Variants in STARD3NL observed in about 807,000 individuals in gnomAD.
STARD3NL encodes the protein STARD3 N-terminal-like protein.
STARD3NL carries 17 observed loss-of-function variants against 30.9 expected under a neutral mutation model. That is an observed-to-expected ratio of 0.55 (90% CI 0.38 to 0.82). STARD3NL has a LOEUF of 0.82. Ranked by LOEUF, STARD3NL falls within the 40% of genes least tolerant of loss-of-function variation. STARD3NL has a pLI of 0.00. For missense variants in STARD3NL, 234 were observed against 277.6 expected, an observed-to-expected ratio of 0.84 and a Z score of 1.12; for synonymous variants, 112 against 100.5, an observed-to-expected ratio of 1.11 and a Z score of -0.69.
chr7:38,223,488 C>T (rs955679747), intron 7 of STARD3NL, among the ~76,000 whole-genome samples: 3 of 152,126 alleles, frequency 2.0e-5, no homozygotes, highest in African/African-American at 7.2e-5. Flanking sequence ...AGGAATTGCT[C>T]AATTGCATAA....
chr7:38,213,286 A>G (rs1247494739), intron 2 of STARD3NL, among the ~76,000 whole-genome samples: 2 of 152,186 alleles, frequency 1.3e-5, no homozygotes, highest in Non-Finnish European at 2.9e-5. Context: ...ATTCATTTGT[A>G]GAGGTCTGTA....
chr7:38,206,114 G>A (rs1785457079), intron 1 of STARD3NL, among the ~76,000 whole-genome samples: 1 of 152,202 alleles, frequency 6.6e-6, no homozygotes, highest in Admixed American at 6.5e-5. Flanking sequence ...AAGAGACGAA[G>A]TTCTGGACAG....
rs1171286816 is a variant in STARD3NL at position 38,210,753 on chromosome 7, G to T, written c.225+3024G>T. 4.6e-5 allele frequency among the ~76,000 whole-genome samples: 7 copies of T among 152,198 alleles called. No individual in the cohort carries two copies. The South Asian group carries it at 1.2e-3, about 27-fold the overall frequency. Reference sequence around the variant, plus strand: ...AAGTAGTGACAGTTGAAAGGAATTTGGTTTTCTTTTTAGCTTTTGATACTT... The same window carrying T: ...AAGTAGTGACAGTTGAAAGGAATTTTGTTTTCTTTTTAGCTTTTGATACTT... On this transcript the variant is annotated intron_variant, in intron 2 of 8. Transcript: ENST00000009041.
At chr7:38,183,758 G>A (rs1184086457) in intron 1 of STARD3NL, among the ~76,000 whole-genome samples, 3 of 152,098 alleles carry the variant, frequency 2.0e-5, no homozygotes, top group Non-Finnish European at 2.9e-5. Flanking sequence ...CTGTCTAGTT[G>A]TATGTGAATT....
chr7:38,193,233 C>T (rs1220993358), intron 1 of STARD3NL, among the ~76,000 whole-genome samples: 1 of 152,090 alleles, frequency 6.6e-6, no homozygotes, highest in Non-Finnish European at 1.5e-5. Flanking sequence ...TGCAGTGAAA[C>T]GTTTTAATGA....
chr7:38,195,867 GA>G (rs925976107), intron 1 of STARD3NL, among the ~76,000 whole-genome samples: 19 of 152,186 alleles, frequency 1.2e-4, no homozygotes, highest in Non-Finnish European at 1.6e-4. Context: ...TAGGTCATTA[GA>G]AATATCTAGA....
intron 1 of STARD3NL, among the ~76,000 whole-genome samples, chr7:38,204,289 C>T (rs1226861018): frequency 1.3e-5 from 2 of 152,322 alleles, no homozygotes; most frequent in South Asian, 2.1e-4. Context: ...AACTGTCTCT[C>T]AGACCACTGT....
Position 38,219,658 on chromosome 7 carries a change from C to T in STARD3NL, c.647C>T (p.Ala216Val). 6.2e-7 allele frequency: 1 copy of T among 1,611,428 alleles called. No individual in the cohort carries two copies. Among genetic ancestry groups the T allele is most frequent in the Non-Finnish European group, 8.5e-7 (1 of 1,178,036 alleles). Residue 216 changes from alanine (A) to valine (V), a missense_variant and splice_region_variant, in exon 7 of 9, where the codon GCA becomes GTA. Transcript: ENST00000009041. ...TTTTATTCCCCTCCTGAATCCGAAG[C>T]AGGTAAAAAACTTGATTATTATTTG... ...GQFYSPPESEAGSEEAEEKQD... is the reference protein window; with the variant it reads ...GQFYSPPESEVGSEEAEEKQD...
At chr7:38,216,524 T>C (rs1001825874) in intron 4 of STARD3NL, 4 of 157,422 alleles carry the variant, frequency 2.5e-5, no homozygotes, top group Admixed American at 1.8e-4. Flanking sequence ...TTAATACTTA[T>C]TGAGCAAGAT....
At chr7:38,184,948 G>A (rs1784401202) in intron 1 of STARD3NL, among the ~76,000 whole-genome samples, 1 of 151,522 alleles carries the variant, frequency 6.6e-6, no homozygotes, top group Admixed American at 6.6e-5. Context: ...AACTTTTATT[G>A]AGAACTTTAT....
At chr7:38,189,342 TAAG>T (rs1784590375) in intron 1 of STARD3NL, among the ~76,000 whole-genome samples, 1 of 151,950 alleles carries the variant, frequency 6.6e-6, no homozygotes, top group African/African-American at 2.4e-5. Context: ...TAAAGAAAAG[TAAG>T]GAGAGGAGCA....
At chr7:38,193,842 G>A (rs984239386) in intron 1 of STARD3NL, among the ~76,000 whole-genome samples, 1 of 152,104 alleles carries the variant, frequency 6.6e-6, no homozygotes, top group Non-Finnish European at 1.5e-5. Flanking sequence ...TGTGTGGTTA[G>A]TTTATACTTT....
chr7:38,213,146 G>T (rs1785905996), intron 2 of STARD3NL, among the ~76,000 whole-genome samples: 2 of 152,232 alleles, frequency 1.3e-5, no homozygotes, highest in East Asian at 3.9e-4. Flanking sequence ...GCTGTAGGCC[G>T]CTTGGAATAA....
In STARD3NL at chr7:38,188,053, T is replaced by C. The variant is rs78199220; in HGVS notation, c.-59+9633T>C. ...CATCTCTCTCCTGAATTATTGCTGC[T>C]GTCTCCTAACTGGTTTCCCCACTTC... On this transcript the variant is annotated intron_variant, in intron 1 of 8. Transcript: ENST00000009041. 2.3e-3 allele frequency among the ~76,000 whole-genome samples: 353 copies of C among 152,354 alleles called. 3 individuals are homozygous for C. The highest frequency in any genetic ancestry group is 8.1e-3 in the African/African-American group (338 of 41,566).
chr7:38,196,446 A>G (rs1784901280), intron 1 of STARD3NL, among the ~76,000 whole-genome samples: 1 of 152,118 alleles, frequency 6.6e-6, no homozygotes, highest in South Asian at 2.1e-4. Context: ...TGTTTTTTTA[A>G]TAGTGTAACT....
chr7:38,211,072 A>G (rs1215456286), intron 2 of STARD3NL, among the ~76,000 whole-genome samples: 1 of 152,236 alleles, frequency 6.6e-6, no homozygotes, highest in African/African-American at 2.4e-5. Flanking sequence ...TAGTTCATGT[A>G]ATTTATTAAT....
chr7:38,182,285 G>A (rs1293948446), intron 1 of STARD3NL, among the ~76,000 whole-genome samples: 1 of 152,162 alleles, frequency 6.6e-6, no homozygotes, highest in Non-Finnish European at 1.5e-5. Flanking sequence ...TTAAGGGTCT[G>A]CCTTCTGCAG....
At chr7:38,187,804 T>C (rs1784522627) in intron 1 of STARD3NL, among the ~76,000 whole-genome samples, 1 of 152,168 alleles carries the variant, frequency 6.6e-6, no homozygotes. Context: ...ACTGAACTGG[T>C]ATTCTTGCTC....
At chr7:38,215,424 G>A (rs1414589909) in intron 4 of STARD3NL, 1 of 337,998 alleles carries the variant, frequency 3.0e-6, no homozygotes, top group African/African-American at 2.1e-5. Flanking sequence ...CTGTCACAGA[G>A]ATATTTGGAA....
Sources: gnomAD v4.1 joint callset for allele counts (sites outside exome capture counted in the v4.1 genomes callset) on GRCh38, gnomAD v4.1.1 for gene constraint, MANE v1.5 for transcripts, NCBI Gene and HGNC (gene_info 2026-07-23, HGNC 2026-07-21) for gene names.